MAML2: variants seen among roughly 807,000 people sequenced by gnomAD.
MAML2 encodes mastermind-like protein 2.
In MAML2, 22 loss-of-function variants were observed where a neutral mutation model predicts 96.1. That is an observed-to-expected ratio of 0.23 (90% CI 0.16 to 0.33). The LOEUF is 0.33. Among genes scored for constraint, MAML2 ranks in the 10% least tolerant of loss-of-function variants. The pLI, the probability that MAML2 is intolerant of heterozygous loss-of-function variation, is 1.00. For missense variants in MAML2, 1,367 were observed against 1,392.4 expected (o/e 0.98, Z 0.29); for synonymous variants, 561 against 521.3 (o/e 1.08, Z -1.04).
chr11:96,171,419 G>T (rs1395212821), intron 1 of MAML2, among the ~76,000 whole-genome samples: 1 of 152,006 alleles, frequency 6.6e-6, no homozygotes. Flanking sequence ...TTAATTATTG[G>T]TTCATTTTTC....
chr11:96,030,447 A>T (rs376640313), intron 2 of MAML2, among the ~76,000 whole-genome samples: 1 of 152,190 alleles, frequency 6.6e-6, no homozygotes, highest in Non-Finnish European at 1.5e-5. Flanking sequence ...ACTCACAAAT[A>T]TAAGGAAAAT....
chr11:96,054,926 C>T (rs1859039570), intron 2 of MAML2, among the ~76,000 whole-genome samples: 1 of 152,114 alleles, frequency 6.6e-6, no homozygotes, highest in Non-Finnish European at 1.5e-5. Flanking sequence ...TTTCACTCTA[C>T]CTGGGGCCTG....
chr11:96,094,333 G>A (rs1311666665), intron 1 of MAML2, among the ~76,000 whole-genome samples: 1 of 152,206 alleles, frequency 6.6e-6, no homozygotes, highest in Non-Finnish European at 1.5e-5. Flanking sequence ...TGGGTGCTAT[G>A]TGACCTCAGC....
At chr11:96,332,674 G>C (rs1769872873) in intron 1 of MAML2, among the ~76,000 whole-genome samples, 1 of 152,220 alleles carries the variant, frequency 6.6e-6, no homozygotes, top group African/African-American at 2.4e-5. Flanking sequence ...CTGAAATTAA[G>C]TAGCACGGTG....
At chr11:96,013,609 A>G (rs1360641972) in intron 2 of MAML2, among the ~76,000 whole-genome samples, 1 of 152,188 alleles carries the variant, frequency 6.6e-6, no homozygotes, top group East Asian at 1.9e-4. Context: ...TAAAAACCCC[A>G]GACCCTAGCA....
intron 1 of MAML2, among the ~76,000 whole-genome samples, chr11:96,229,212 A>T (rs931821332): frequency 6.6e-6 from 1 of 152,208 alleles, no homozygotes; most frequent in African/African-American, 2.4e-5. Context: ...GGGGAAAAAC[A>T]CAAATCACAC....
intron 2 of MAML2, among the ~76,000 whole-genome samples, chr11:96,043,870 C>T (rs547585830): frequency 5.3e-5 from 8 of 152,354 alleles, no homozygotes; most frequent in South Asian, 2.1e-4. Context: ...TGCCTTCCAA[C>T]AGAGGCATTC....
intron 1 of MAML2, among the ~76,000 whole-genome samples, chr11:96,176,750 G>GT (rs1466715512): frequency 2.6e-5 from 4 of 152,220 alleles, no homozygotes; most frequent in Non-Finnish European, 5.9e-5. Flanking sequence ...TGGGAAGGAA[G>GT]TAGCTCTGGT....
chr11:96,065,491 A>G (rs1008096325), intron 2 of MAML2, among the ~76,000 whole-genome samples: 2 of 152,108 alleles, frequency 1.3e-5, no homozygotes, highest in African/African-American at 4.8e-5. Context: ...TAGCTTCCCA[A>G]AGTTATTTGG....
chr11:96,290,380 G>A (rs1863192731), intron 1 of MAML2, among the ~76,000 whole-genome samples: 1 of 152,194 alleles, frequency 6.6e-6, no homozygotes, highest in African/African-American at 2.4e-5. Context: ...TACTACTAAT[G>A]TTAGTATTGC....
chr11:96,291,584 C>T (rs1863210731), intron 1 of MAML2, among the ~76,000 whole-genome samples: 1 of 152,076 alleles, frequency 6.6e-6, no homozygotes, highest in Non-Finnish European at 1.5e-5. Context: ...TTTAGAGATT[C>T]TATTTTCTCT....
rs36006515 is a variant in MAML2 at position 96,162,176 on chromosome 11, C to CT, written c.514-68660dup. Among the ~76,000 whole-genome samples, 573 of 105,900 alleles carry CT rather than the reference C, an allele frequency of 5.4e-3. 8 individuals are homozygous for CT. The highest frequency in any genetic ancestry group is 0.052 in the East Asian group (191 of 3,666). The allele number at this position is 105,900 out of a possible 152,430, so 69.5% of individuals were successfully genotyped here. On this transcript the variant is annotated intron_variant, in intron 1 of 4. Transcript: ENST00000524717. ...TCTTAATTTTACTTTATCAATCTAACTTTTTTTTTTTTTTTTTTTTTTTCT... is the reference window on the plus strand; with the variant it reads ...TCTTAATTTTACTTTATCAATCTAACTTTTTTTTTTTTTTTTTTTTTTTTCT...
chr11:96,034,598 A>G (rs1324871081), intron 2 of MAML2, among the ~76,000 whole-genome samples: 1 of 152,208 alleles, frequency 6.6e-6, no homozygotes, highest in Non-Finnish European at 1.5e-5. Flanking sequence ...TGGAAGTAGC[A>G]AAGTAATAAG....
intron 2 of MAML2, among the ~76,000 whole-genome samples, chr11:96,006,449 G>C (rs967698089): frequency 6.6e-6 from 1 of 152,040 alleles, no homozygotes; most frequent in Non-Finnish European, 1.5e-5. Context: ...GATCAAATAA[G>C]CGGTACAACT....
At chr11:96,103,024 C>T (rs1591014919) in intron 1 of MAML2, among the ~76,000 whole-genome samples, 2 of 152,316 alleles carry the variant, frequency 1.3e-5, no homozygotes, top group Admixed American at 6.5e-5. Flanking sequence ...TTCTCTCTCT[C>T]CTTTTGCTTG....
chr11:96,097,761 C>A (rs1370684289), intron 1 of MAML2, among the ~76,000 whole-genome samples: 1 of 152,118 alleles, frequency 6.6e-6, no homozygotes, highest in East Asian at 1.9e-4. Flanking sequence ...TCTATGAAAG[C>A]CTCTCACCTC....
intron 2 of MAML2, among the ~76,000 whole-genome samples, chr11:96,041,518 A>AAGGAAGGGAAGGAAGG (rs1858810202): frequency 8.1e-6 from 1 of 123,020 alleles, no homozygotes; most frequent in Non-Finnish European, 1.8e-5. Context: ...GAAGGAAGGG[A>AAGGAAGGGAAGGAAGG]AGGAAGGGAA....
intron 2 of MAML2, among the ~76,000 whole-genome samples, chr11:96,054,469 G>A (rs556347200): frequency 1.3e-5 from 2 of 152,286 alleles, no homozygotes; most frequent in African/African-American, 2.4e-5. Context: ...AATTTCTAAG[G>A]GAGGTTGGAC....
rs552366621 is a variant in MAML2, at chr11:96,095,514, G to C, written c.514-1997C>G. Among the ~76,000 whole-genome samples, 55 of 152,308 alleles carry C rather than the reference G, an allele frequency of 3.6e-4. 1 individual carries two copies. In the South Asian group the frequency reaches 0.011, roughly 30 times the overall value. ...CATGGGAATTTTGGATTTGGAGAAA[G>C]TGAGACCAGGCTCTCTTTAGGTGGC... On this transcript the variant is annotated intron_variant, in intron 1 of 4. Coordinates refer to ENST00000524717, the MANE Select transcript of MAML2 (RefSeq NM_032427.4).
Sources: gnomAD v4.1 joint callset for allele counts (sites outside exome capture counted in the v4.1 genomes callset) on GRCh38, gnomAD v4.1.1 for gene constraint, MANE v1.5 for transcripts, NCBI Gene and HGNC (gene_info 2026-07-23, HGNC 2026-07-21) for gene names.